The following NR6A1 variants were observed in gnomAD, a reference collection of about 807,000 sequenced individuals.
The protein encoded by NR6A1 is nuclear receptor subfamily 6 group A member 1.
Under a neutral mutation model 59.1 loss-of-function variants are expected in NR6A1, and 7 were observed. That is an observed-to-expected ratio of 0.12 (90% CI 0.07 to 0.22). NR6A1 has a LOEUF of 0.22. Among genes scored for constraint, NR6A1 ranks in the 10% least tolerant of loss-of-function variants. The pLI is 1.00. For synonymous variants in NR6A1, 243 were observed against 236.1 expected (o/e 1.03, Z -0.27); for missense variants, 468 against 611.6 (o/e 0.77, Z 2.48).
At chr9:124,677,796 T>G (rs569365014) in intron 2 of NR6A1, among the ~76,000 whole-genome samples, 14 of 152,268 alleles carry the variant, frequency 9.2e-5, no homozygotes, top group African/African-American at 3.4e-4. Context: ...GCCTTTACTT[T>G]CCTGTTTTCT....
At chr9:124,564,134 T>C (rs28534032) in intron 2 of NR6A1, among the ~76,000 whole-genome samples, 2,771 of 152,230 alleles carry the variant, frequency 0.018, 80 homozygotes, top group African/African-American at 0.063. Flanking sequence ...AAGCTATAAA[T>C]AGTGCTTTAA....
At chr9:124,627,819 T>C (rs1836286989) in intron 2 of NR6A1, among the ~76,000 whole-genome samples, 1 of 150,630 alleles carries the variant, frequency 6.6e-6, no homozygotes, top group East Asian at 2.0e-4. Context: ...GCCATCTGCC[T>C]GCCTTGGCCT....
chr9:124,676,155 G>A (rs935541365), intron 2 of NR6A1, among the ~76,000 whole-genome samples: 5 of 152,184 alleles, frequency 3.3e-5, no homozygotes, highest in Non-Finnish European at 5.9e-5. Flanking sequence ...CATGTGACAG[G>A]CAAAACAGCA....
chr9:124,568,256 C>A (rs1316253275), intron 2 of NR6A1, among the ~76,000 whole-genome samples: 1 of 147,430 alleles, frequency 6.8e-6, no homozygotes, highest in East Asian at 2.0e-4. Flanking sequence ...GAGGCTGAGG[C>A]GGGCAGATCA....
At chr9:124,620,397 T>G (rs1371331392) in intron 2 of NR6A1, among the ~76,000 whole-genome samples, 1 of 152,242 alleles carries the variant, frequency 6.6e-6, no homozygotes, top group Non-Finnish European at 1.5e-5. Flanking sequence ...GACTTGCATG[T>G]GAATGTTCAT....
intron 1 of NR6A1, among the ~76,000 whole-genome samples, chr9:124,747,416 C>T (rs899150682): frequency 1.3e-5 from 2 of 152,070 alleles, no homozygotes; most frequent in African/African-American, 4.8e-5. Context: ...CCAGCACACA[C>T]ACAACCTTCT....
intron 2 of NR6A1, among the ~76,000 whole-genome samples, chr9:124,698,014 C>T (rs1838822861): frequency 6.6e-6 from 1 of 152,052 alleles, no homozygotes; most frequent in South Asian, 2.1e-4. Flanking sequence ...GTAAGCGCTG[C>T]CAAGCATGAC....
intron 2 of NR6A1, among the ~76,000 whole-genome samples, chr9:124,640,818 A>G (rs2130900504): frequency 6.6e-6 from 1 of 152,222 alleles, no homozygotes; most frequent in East Asian, 1.9e-4. Flanking sequence ...CAATACACAC[A>G]GAGTATTTTA....
At position 124,590,061 on chromosome 9, in the gene NR6A1, CAAAAAAAAAAAA is replaced by C. The variant is rs71372976; in HGVS notation, c.143-35503_143-35492del. On this transcript the variant is annotated intron_variant, in intron 2 of 9. Coordinates refer to ENST00000487099, the MANE Select transcript of NR6A1 (RefSeq NM_033334.4). ...GCCTGGTGACAGAGCAAGACTCTGT[CAAAAAAAAAAAA>C]AAAAAAAAAAAAAAAAAGCAAAGCT... is the stretch of plus-strand genomic sequence containing the variant. Among the ~76,000 whole-genome samples the C allele has an allele frequency of 7.4e-4, 23 of 30,894 alleles. 1 individual carries two copies. Among genetic ancestry groups the C allele is most frequent in the Admixed American group, 1.8e-3 (3 of 1,664 alleles). The allele number at this position is 30,894 out of a possible 152,430, so 20.3% of individuals were successfully genotyped here.
intron 3 of NR6A1, 75 bp from the exon 4 acceptor site, chr9:124,543,932 C>A (rs1833519788): frequency 7.7e-7 from 1 of 1,303,418 alleles, no homozygotes. Flanking sequence ...AGAGAGTTTA[C>A]TTGGCCAAAA....
intron 2 of NR6A1, among the ~76,000 whole-genome samples, chr9:124,681,629 C>A (rs1303312031): frequency 6.6e-6 from 1 of 152,084 alleles, no homozygotes; most frequent in Admixed American, 6.6e-5. Flanking sequence ...CGTGAGCCAC[C>A]ACACTCAGCC....
At chr9:124,763,168 C>T (rs1365704187) in intron 1 of NR6A1, among the ~76,000 whole-genome samples, 1 of 152,164 alleles carries the variant, frequency 6.6e-6, no homozygotes, top group African/African-American at 2.4e-5. Context: ...TTTTGTCACA[C>T]AGAATATCAA....
chr9:124,657,193 C>G (rs1249960212), intron 2 of NR6A1, among the ~76,000 whole-genome samples: 1 of 152,066 alleles, frequency 6.6e-6, no homozygotes, highest in Non-Finnish European at 1.5e-5. Flanking sequence ...CAGCTTTTCT[C>G]GGGTTAAGAC....
chr9:124,528,014 A>C (rs1832987511), intron 7 of NR6A1, among the ~76,000 whole-genome samples: 1 of 152,192 alleles, frequency 6.6e-6, no homozygotes, highest in African/African-American at 2.4e-5. Context: ...TCACAAAGAG[A>C]AGCAGCTTAG....
intron 2 of NR6A1, among the ~76,000 whole-genome samples, chr9:124,728,392 T>C (rs567743116): frequency 1.3e-5 from 2 of 151,836 alleles, no homozygotes; most frequent in African/African-American, 2.4e-5. Flanking sequence ...TCCAAGCACT[T>C]TGGGAGGCTG....
chr9:124,659,837 T>C (rs1002425723), intron 2 of NR6A1, among the ~76,000 whole-genome samples: 11 of 152,260 alleles, frequency 7.2e-5, no homozygotes, highest in African/African-American at 2.7e-4. Flanking sequence ...CCAAATCTAA[T>C]TTTTAAAAGA....
At chr9:124,536,483 AC>A (rs1227710691) in intron 6 of NR6A1, among the ~76,000 whole-genome samples, 7 of 151,926 alleles carry the variant, frequency 4.6e-5, no homozygotes, top group Non-Finnish European at 8.8e-5. Flanking sequence ...ACATGGTGAA[AC>A]CCCATCTCTA....
At chr9:124,592,978 G>C (rs1225330348) in intron 2 of NR6A1, among the ~76,000 whole-genome samples, 1 of 152,230 alleles carries the variant, frequency 6.6e-6, no homozygotes, top group Non-Finnish European at 1.5e-5. Flanking sequence ...GAATGTTACA[G>C]GGTTTGGGAA....
At chr9:124,642,827 C>A (rs1408319762) in intron 2 of NR6A1, among the ~76,000 whole-genome samples, 2 of 152,070 alleles carry the variant, frequency 1.3e-5, no homozygotes, top group African/African-American at 4.8e-5. Context: ...AGGGAGGTAG[C>A]AGGGGAGACC....
Sources: gnomAD v4.1 joint callset for allele counts (sites outside exome capture counted in the v4.1 genomes callset) on GRCh38, gnomAD v4.1.1 for gene constraint, MANE v1.5 for transcripts, NCBI Gene and HGNC (gene_info 2026-07-23, HGNC 2026-07-21) for gene names.